SGCZ: variants seen among roughly 807,000 people sequenced by gnomAD.
SGCZ encodes the protein sarcoglycan zeta.
Under a neutral mutation model 41.3 loss-of-function variants are expected in SGCZ, and 40 were observed. That is an observed-to-expected ratio of 0.97 (90% CI 0.75 to 1.26). The LOEUF (loss-of-function observed/expected upper bound fraction) is 1.26. Among genes scored for constraint, SGCZ ranks in the 50% most tolerant of loss-of-function variants. SGCZ has a pLI of 0.00. For synonymous variants in SGCZ, 206 were observed against 137.5 expected (o/e 1.50, Z -3.49); for missense variants, 552 against 369.8 (o/e 1.49, Z -4.04).
intron 1 of SGCZ, among the ~76,000 whole-genome samples, chr8:14,732,775 A>G (rs1168351680): frequency 1.3e-5 from 2 of 152,124 alleles, no homozygotes; most frequent in African/African-American, 2.4e-5. Flanking sequence ...AGTATTTTAT[A>G]AACTACGACC....
intron 4 of SGCZ, among the ~76,000 whole-genome samples, chr8:14,228,228 T>C (rs1806440724): frequency 6.6e-6 from 1 of 152,072 alleles, no homozygotes; most frequent in African/African-American, 2.4e-5. Context: ...GGAACTCCAA[T>C]GCACCTGCAA....
chr8:14,602,743 T>C (rs557477733), intron 1 of SGCZ, among the ~76,000 whole-genome samples: 83 of 152,270 alleles, frequency 5.5e-4, no homozygotes, highest in African/African-American at 1.9e-3. Context: ...CTGTTATAAC[T>C]GAGTATAATA....
rs149819725 is a variant in SGCZ at position 14,578,155 on chromosome 8, T to C, written c.40-23229A>G. On this transcript the variant is annotated intron_variant, in intron 1 of 7. Coordinates refer to ENST00000382080, the MANE Select transcript of SGCZ (RefSeq NM_139167.4). ...GCAATATGCATGTTGGGAATACACA[T>C]GAAGATTTTGGTGATAAAAAGAGAA... Among the ~76,000 whole-genome samples, 209 of 152,248 alleles carry C rather than the reference T, an allele frequency of 1.4e-3. 1 individual carries two copies. Among genetic ancestry groups the C allele is most frequent in the African/African-American group, 4.9e-3 (205 of 41,538 alleles).
chr8:14,196,509 A>C (rs1309192926), intron 4 of SGCZ, among the ~76,000 whole-genome samples: 4 of 152,228 alleles, frequency 2.6e-5, no homozygotes, highest in Non-Finnish European at 4.4e-5. Context: ...CAAATTGACT[A>C]CATGAAACAG....
chr8:14,895,204 T>C (rs368160020), intron 1 of SGCZ, among the ~76,000 whole-genome samples: 5 of 152,208 alleles, frequency 3.3e-5, no homozygotes, highest in African/African-American at 1.2e-4. Context: ...GCCAACTAGT[T>C]GTGTCATTTG....
At chr8:14,407,651 G>A (rs1348540423) in intron 2 of SGCZ, among the ~76,000 whole-genome samples, 2 of 152,100 alleles carry the variant, frequency 1.3e-5, no homozygotes, top group African/African-American at 2.4e-5. Flanking sequence ...CTGCTAAATA[G>A]GTTGATAAAA....
At chr8:15,203,344 AT>A (rs2117139491) in intron 1 of SGCZ, among the ~76,000 whole-genome samples, 1 of 152,216 alleles carries the variant, frequency 6.6e-6, no homozygotes, top group South Asian at 2.1e-4. Flanking sequence ...CAGTAGTGGG[AT>A]TTTTATTTGG....
At chr8:14,348,004 C>T (rs1393083892) in intron 2 of SGCZ, among the ~76,000 whole-genome samples, 1 of 152,088 alleles carries the variant, frequency 6.6e-6, no homozygotes, top group Admixed American at 6.6e-5. Context: ...GCATCATGCA[C>T]GCTTCTCTAC....
intron 3 of SGCZ, among the ~76,000 whole-genome samples, chr8:14,269,133 T>C (rs1353072148): frequency 6.6e-6 from 1 of 152,150 alleles, no homozygotes; most frequent in Admixed American, 6.5e-5. Context: ...TTATTTGTTT[T>C]CATAAATTTG....
chr8:14,247,430 T>C (rs1799141269), intron 3 of SGCZ, among the ~76,000 whole-genome samples: 2 of 152,190 alleles, frequency 1.3e-5, no homozygotes, highest in Admixed American at 1.3e-4. Flanking sequence ...TTACAGGGAA[T>C]CTGGGGTAAT....
At chr8:14,318,666 G>A (rs1039032869) in intron 3 of SGCZ, among the ~76,000 whole-genome samples, 3 of 151,898 alleles carry the variant, frequency 2.0e-5, no homozygotes, top group Non-Finnish European at 4.4e-5. Context: ...TCCAGGTCTG[G>A]TTGGCACAAA....
At chr8:14,425,253 C>T (rs1679921271) in intron 2 of SGCZ, among the ~76,000 whole-genome samples, 1 of 152,170 alleles carries the variant, frequency 6.6e-6, no homozygotes, top group African/African-American at 2.4e-5. Flanking sequence ...GTATCATCTT[C>T]TGTTTATCCT....
At chr8:14,232,094 A>T (rs1204153786) in intron 4 of SGCZ, among the ~76,000 whole-genome samples, 2 of 151,664 alleles carry the variant, frequency 1.3e-5, no homozygotes, top group Non-Finnish European at 2.9e-5. Flanking sequence ...TACTTTCAGA[A>T]TCCTAATGAC....
At chr8:14,383,221 A>G (rs1286870255) in intron 2 of SGCZ, among the ~76,000 whole-genome samples, 3 of 152,242 alleles carry the variant, frequency 2.0e-5, no homozygotes, top group African/African-American at 7.2e-5. Context: ...TATAAAACCA[A>G]TTAATGTGAA....
intron 1 of SGCZ, among the ~76,000 whole-genome samples, chr8:14,578,980 T>G (rs957912573): frequency 2.0e-5 from 3 of 152,184 alleles, no homozygotes; most frequent in Non-Finnish European, 4.4e-5. Context: ...CTCTACATTT[T>G]GAAGTTATTT....
chr8:15,004,188 C>T (rs140144393), intron 1 of SGCZ, among the ~76,000 whole-genome samples: 16 of 152,160 alleles, frequency 1.1e-4, no homozygotes, highest in African/African-American at 3.9e-4. Context: ...TTAAGGACGG[C>T]AAGAGGAGAA....
chr8:14,712,694 G>A (rs1030026266), intron 1 of SGCZ, among the ~76,000 whole-genome samples: 3 of 151,998 alleles, frequency 2.0e-5, no homozygotes, highest in African/African-American at 7.2e-5. Flanking sequence ...GCCATAAAAC[G>A]GTCTAATGTA....
intron 1 of SGCZ, among the ~76,000 whole-genome samples, chr8:15,017,137 T>A (rs1803069592): frequency 6.6e-6 from 1 of 152,202 alleles, no homozygotes; most frequent in African/African-American, 2.4e-5. Flanking sequence ...AAGCCTAGAT[T>A]TGAGTTCTGG....
intron 1 of SGCZ, among the ~76,000 whole-genome samples, chr8:14,854,584 A>G (rs1319903858): frequency 6.6e-6 from 1 of 152,172 alleles, no homozygotes; most frequent in Non-Finnish European, 1.5e-5. Flanking sequence ...TTATTTTTCA[A>G]TAGTCATCGT....
Sources: allele counts gnomAD v4.1 joint callset (sites outside exome capture counted in the v4.1 genomes callset), GRCh38; gene constraint gnomAD v4.1.1; transcripts MANE v1.5; gene names NCBI Gene and HGNC (gene_info 2026-07-23, HGNC 2026-07-21).